Variants in ANK3 observed in about 807,000 individuals in gnomAD.
The protein encoded by ANK3 is ankyrin 3.
In ANK3, 57 loss-of-function variants were observed where a neutral mutation model predicts 370.9. The ratio of observed to expected loss-of-function variants is 0.15; its 90% CI spans 0.12 to 0.19. ANK3 has a LOEUF of 0.19. Among genes scored for constraint, ANK3 ranks in the 10% least tolerant of loss-of-function variants. The pLI, the probability that ANK3 is intolerant of heterozygous loss-of-function variation, is 1.00. For missense variants in ANK3, 4,439 were observed against 5,302.1 expected (o/e 0.84, Z 5.06); for synonymous variants, 1,929 against 1,946.3 (o/e 0.99, Z 0.23).
chr10:60,705,468 A>C (rs1207367938), intron 1 of ANK3, among the ~76,000 whole-genome samples: 1 of 152,188 alleles, frequency 6.6e-6, no homozygotes, highest in Non-Finnish European at 1.5e-5. Flanking sequence ...AGATATAGGA[A>C]ATTCAGCATA....
chr10:60,196,100 T>C (rs780248987), intron 16 of ANK3, 45 bp downstream of exon 16: 10 of 1,538,200 alleles, frequency 6.5e-6, no homozygotes, highest in Middle Eastern at 1.7e-4. Context: ...TAGAGACTGA[T>C]AGACCTTACC....
chr10:60,588,157 GTTTTTA>G (rs1276127690), intron 2 of ANK3, among the ~76,000 whole-genome samples: 3 of 112,300 alleles, frequency 2.7e-5, no homozygotes, highest in East Asian at 5.7e-4. Context: ...GAGTTTCTCA[GTTTTTA>G]TTATTATTAT....
chr10:60,630,093 C>T (rs561199692), intron 1 of ANK3, among the ~76,000 whole-genome samples: 5 of 152,162 alleles, frequency 3.3e-5, no homozygotes, highest in African/African-American at 1.2e-4. Context: ...TCCATGATTC[C>T]TATTCTATCA....
At chr10:60,468,438 C>T (rs2065060134) in intron 2 of ANK3, among the ~76,000 whole-genome samples, 1 of 151,996 alleles carries the variant, frequency 6.6e-6, no homozygotes, top group Admixed American at 6.6e-5. Context: ...AAAGGAACAG[C>T]AATAATTAGG....
chr10:60,401,094 A>C (rs890389354), intron 2 of ANK3, among the ~76,000 whole-genome samples: 1 of 152,362 alleles, frequency 6.6e-6, no homozygotes, highest in East Asian at 1.9e-4. Context: ...AAGAACAAAA[A>C]ATATACATTA....
intron 2 of ANK3, among the ~76,000 whole-genome samples, chr10:60,568,854 A>G (rs1384222792): frequency 6.6e-6 from 1 of 152,212 alleles, no homozygotes; most frequent in Non-Finnish European, 1.5e-5. Flanking sequence ...TCATAAAAGA[A>G]GAGCAAAAGA....
Position 60,076,271 on chromosome 10 carries a change from A to G in ANK3, c.4610T>C (p.Leu1537Ser). 2 of 1,614,174 alleles carry G rather than the reference A, an allele frequency of 1.2e-6. No individual in the cohort carries two copies. Among genetic ancestry groups the G allele is most frequent in the Non-Finnish European group, 1.7e-6 (2 of 1,180,012 alleles). The part of the protein sequence containing the change: ...SSSNTPSASP[L>S]KSIWSVSTPS... ...TGTCGAAACAGACCATATTGATTTTAACGGAGAAGCTGATGGCGTATTAGA... is the reference window on the plus strand; with the variant it reads ...TGTCGAAACAGACCATATTGATTTTGACGGAGAAGCTGATGGCGTATTAGA... Residue 1537 changes from leucine (L) to serine (S), a missense_variant, in exon 37 of 44, where the codon TTA (leucine) becomes TCA (serine). Leu to Ser is a moderately radical substitution (Grantham distance 145, BLOSUM62 -2). Transcript: ENST00000280772.
chr10:60,172,453 T>C lies in ANK3; in HGVS notation c.2383-50A>G, dbSNP rs544839921. 3.9e-5 allele frequency: 59 copies of C among 1,498,892 alleles called. No homozygotes were observed. The African/African-American group carries it at 7.0e-4, about 18-fold the overall frequency. The allele number at this position is 1,498,892 out of a possible 1,614,324, so 92.8% of individuals were successfully genotyped here. On this transcript the variant is annotated intron_variant, in intron 20 of 43. Transcript: ENST00000280772. The stretch of plus-strand genomic sequence containing the variant: ...GGAATTAGCAAGCCTTATTCCACAT[T>C]TTTTTTGCTGATACAAAATGTAAGG...
At chr10:60,293,637 T>A (rs1208710148) in intron 1 of ANK3, among the ~76,000 whole-genome samples, 4 of 152,140 alleles carry the variant, frequency 2.6e-5, no homozygotes, top group Admixed American at 2.6e-4. Context: ...TTGGACCCAC[T>A]CCTCACATAC....
intron 2 of ANK3, among the ~76,000 whole-genome samples, chr10:60,517,743 T>C (rs1388220261): frequency 1.4e-5 from 2 of 145,436 alleles, no homozygotes; most frequent in Non-Finnish European, 1.5e-5. Context: ...ACACTATTAT[T>C]AAAAAAGAGA....
chr10:60,063,265 G>A lies in ANK3; in HGVS notation c.12452-11C>T. ...AAGTTAAGGCATCAGCTGAAAAGGA[G>A]AAAAAAAGGTTGAAAACCCAATTAA... is the stretch of plus-strand genomic sequence containing the variant. On this transcript the variant is annotated splice_polypyrimidine_tract_variant and intron_variant, in intron 39 of 43. Transcript: ENST00000280772. 6.3e-7 allele frequency: 1 copy of A among 1,594,498 alleles called. No individual in the cohort carries two copies. The highest frequency in any genetic ancestry group is 8.5e-7 in the Non-Finnish European group (1 of 1,172,752).
At chr10:60,284,197 CA>C (rs1344238664) in intron 1 of ANK3, among the ~76,000 whole-genome samples, 1 of 152,088 alleles carries the variant, frequency 6.6e-6, no homozygotes, top group Non-Finnish European at 1.5e-5. Flanking sequence ...AGGCAGGGAC[CA>C]CCAGAAGTGG....
At chr10:60,655,194 T>G (rs905438103) in intron 1 of ANK3, among the ~76,000 whole-genome samples, 1 of 151,356 alleles carries the variant, frequency 6.6e-6, no homozygotes, top group East Asian at 1.9e-4. Flanking sequence ...TAGAGCATAC[T>G]CCTATTTATT....
At chr10:60,441,561 T>C (rs907222404) in intron 2 of ANK3, among the ~76,000 whole-genome samples, 2 of 152,142 alleles carry the variant, frequency 1.3e-5, no homozygotes, top group African/African-American at 4.8e-5. Flanking sequence ...AGCAATTACA[T>C]GGCTGGAATT....
intron 2 of ANK3, among the ~76,000 whole-genome samples, chr10:60,428,237 G>A (rs2063933321): frequency 1.3e-5 from 2 of 152,168 alleles, no homozygotes; most frequent in African/African-American, 4.8e-5. Context: ...TTCAAACAAT[G>A]AGGCTGTCTG....
chr10:60,325,048 C>T (rs945269244), intron 1 of ANK3, among the ~76,000 whole-genome samples: 2 of 152,176 alleles, frequency 1.3e-5, no homozygotes, highest in African/African-American at 4.8e-5. Context: ...ACTCTGCTTA[C>T]CCTGGTTAGA....
At chr10:60,522,122 C>T (rs777690689) in intron 2 of ANK3, among the ~76,000 whole-genome samples, 1 of 152,016 alleles carries the variant, frequency 6.6e-6, no homozygotes, top group African/African-American at 2.4e-5. Context: ...AAACCACATG[C>T]CTAAAAATCA....
rs202160175 is a variant in ANK3, at chr10:60,271,926, AAC to A, written c.415-1699_415-1698del. Among the ~76,000 whole-genome samples, 1,216 of 151,150 alleles carry A rather than the reference AAC, an allele frequency of 8.0e-3. 16 individuals carry two copies. Among genetic ancestry groups the A allele is most frequent in the African/African-American group, 0.027 (1,120 of 41,076 alleles). On this transcript the variant is annotated intron_variant, in intron 4 of 43. Coordinates refer to ENST00000280772, the MANE Select transcript of ANK3 (RefSeq NM_020987.5). ...TCTAGTTGCCAAGCTCAAGATTAGA[AAC>A]ACAAAATTAGAGGCAGTGGAATGCA...
At chr10:60,054,908 G>GT (rs1288299616) in intron 42 of ANK3, among the ~76,000 whole-genome samples, 30 of 152,054 alleles carry the variant, frequency 2.0e-4, no homozygotes, top group Non-Finnish European at 3.4e-4. Flanking sequence ...TTATATCCAC[G>GT]TATGAGTCAT....
Sources: allele counts gnomAD v4.1 joint callset (sites outside exome capture counted in the v4.1 genomes callset), GRCh38; gene constraint gnomAD v4.1.1; transcripts MANE v1.5; gene names NCBI Gene and HGNC (gene_info 2026-07-23, HGNC 2026-07-21).